Variants in NREP observed in about 807,000 individuals in gnomAD.
NREP encodes the protein neuronal regeneration related protein.
In NREP, 5 loss-of-function variants were observed where a neutral mutation model predicts 8.6. That is an observed-to-expected ratio of 0.58 (90% CI 0.30 to 1.22). The LOEUF (loss-of-function observed/expected upper bound fraction) is 1.22. Among genes scored for constraint, NREP ranks in the 50% most tolerant of loss-of-function variants. The pLI, the probability that NREP is intolerant of heterozygous loss-of-function variation, is 0.07. For synonymous variants in NREP, 27 were observed against 28.0 expected, an observed-to-expected ratio of 0.96 and a Z score of 0.11; for missense variants, 86 against 82.5, an observed-to-expected ratio of 1.04 and a Z score of -0.17.
At chr5:111,786,796 T>G (rs1335537633) in intron 2 of NREP, among the ~76,000 whole-genome samples, 2 of 152,218 alleles carry the variant, frequency 1.3e-5, no homozygotes, top group Non-Finnish European at 2.9e-5. Context: ...ATCAGAATTT[T>G]GTATATTGGG....
At chr5:111,789,185 ATGTG>A (rs745340480) in intron 2 of NREP, among the ~76,000 whole-genome samples, 12 of 152,110 alleles carry the variant, frequency 7.9e-5, no homozygotes, top group Non-Finnish European at 1.2e-4. Flanking sequence ...CTGTGTATGC[ATGTG>A]TGTGTGTGTA....
intron 2 of NREP, among the ~76,000 whole-genome samples, chr5:111,831,241 A>G (rs1463758596): frequency 2.0e-5 from 3 of 152,122 alleles, no homozygotes; most frequent in East Asian, 1.9e-4. Context: ...GGAAGTACCA[A>G]TTAGCTTTCT....
At chr5:111,836,544 T>C (rs143143376) in intron 2 of NREP, among the ~76,000 whole-genome samples, 8 of 152,212 alleles carry the variant, frequency 5.3e-5, no homozygotes, top group South Asian at 2.1e-4. Context: ...ATTAGTGGTA[T>C]TTATTGCTTT....
intron 2 of NREP, among the ~76,000 whole-genome samples, chr5:111,794,056 A>G (rs1422188749): frequency 1.3e-5 from 2 of 152,196 alleles, no homozygotes; most frequent in Non-Finnish European, 2.9e-5. Context: ...AGAAGAAATA[A>G]AGTTAATGCA....
rs200268161 is a variant in NREP at position 111,730,541 on chromosome 5, G to GGA, written c.*379_*380insTC. On this transcript the variant is annotated 3_prime_UTR_variant, in exon 4 of 4. Transcript: ENST00000257435. ...TTACATCTAAATGAAAAAAAAGGTG[G>GGA]GGGGGGGACTCTCAGCCTCTGCAAG... 443 of 167,608 alleles carry GGA rather than the reference G, an allele frequency of 2.6e-3. 3 individuals carry two copies. Among genetic ancestry groups the GGA allele is most frequent in the Non-Finnish European group, 4.1e-3 (324 of 78,572 alleles). The allele number at this position is 167,608 out of a possible 1,614,324, so 10.4% of individuals were successfully genotyped here.
intron 2 of NREP, among the ~76,000 whole-genome samples, chr5:111,961,459 T>C (rs992484280): frequency 6.6e-6 from 1 of 152,254 alleles, no homozygotes; most frequent in Non-Finnish European, 1.5e-5. Context: ...TAACATTTGA[T>C]GTAAGACCGT....
intron 2 of NREP, among the ~76,000 whole-genome samples, chr5:111,769,933 A>G (rs1033010217): frequency 6.6e-6 from 1 of 152,190 alleles, no homozygotes; most frequent in African/African-American, 2.4e-5. Flanking sequence ...ACGCCAAACC[A>G]TATCAGTGAG....
intron 2 of NREP, among the ~76,000 whole-genome samples, chr5:111,773,952 C>T (rs994070815): frequency 6.6e-6 from 1 of 152,116 alleles, no homozygotes; most frequent in Admixed American, 6.6e-5. Context: ...TCAACCTGGG[C>T]TCTTACCCGT....
chr5:111,805,814 G>T (rs1329180300), intron 2 of NREP, among the ~76,000 whole-genome samples: 1 of 152,158 alleles, frequency 6.6e-6, no homozygotes, highest in Non-Finnish European at 1.5e-5. Context: ...GGTGAATCTA[G>T]ATTTCAGTAA....
intron 2 of NREP, among the ~76,000 whole-genome samples, chr5:111,856,461 A>G (rs1463845800): frequency 1.3e-5 from 2 of 152,142 alleles, no homozygotes; most frequent in Non-Finnish European, 2.9e-5. Context: ...TCTCAGACAT[A>G]TGGCTTGGAC....
intron 2 of NREP, among the ~76,000 whole-genome samples, 166 bp from the exon 3 acceptor site, chr5:111,735,673 C>T (rs1014309579): frequency 3.9e-5 from 6 of 152,230 alleles, no homozygotes; most frequent in African/African-American, 1.4e-4. Flanking sequence ...TAGTGTGCTT[C>T]TGAACACGCA....
intron 2 of NREP, chr5:111,912,388 C>A: frequency 6.6e-6 from 1 of 152,636 alleles, no homozygotes. Context: ...CTGCCCTGTC[C>A]CCTGGTGCCC....
At chr5:111,976,225 C>T (rs1756959977) in intron 1 of NREP, among the ~76,000 whole-genome samples, 1 of 152,110 alleles carries the variant, frequency 6.6e-6, no homozygotes, top group Non-Finnish European at 1.5e-5. Context: ...TATTTCAATG[C>T]TGTAGTGAAA....
At chr5:111,828,745 T>A (rs1752690637) in intron 2 of NREP, among the ~76,000 whole-genome samples, 1 of 152,156 alleles carries the variant, frequency 6.6e-6, no homozygotes, top group African/African-American at 2.4e-5. Context: ...AAAAACTTAC[T>A]GCCTCAAACA....
At chr5:111,944,920 G>T (rs1047573484) in intron 2 of NREP, among the ~76,000 whole-genome samples, 1 of 152,012 alleles carries the variant, frequency 6.6e-6, no homozygotes, top group African/African-American at 2.4e-5. Context: ...AGTCATAGGT[G>T]CTTAAAACCT....
At chr5:111,919,869 G>GCGAAAGAA (rs1554053088) in intron 2 of NREP, among the ~76,000 whole-genome samples, 1 of 125,034 alleles carries the variant, frequency 8.0e-6, no homozygotes, top group Admixed American at 8.2e-5. Context: ...CTTGAAGAGA[G>GCGAAAGAA]AGAAAGAAAG....
chr5:111,783,472 G>A (rs1396477558), intron 2 of NREP, among the ~76,000 whole-genome samples: 1 of 152,192 alleles, frequency 6.6e-6, no homozygotes, highest in Non-Finnish European at 1.5e-5. Context: ...CGAAATGAAA[G>A]TTAGTTAAGA....
intron 2 of NREP, among the ~76,000 whole-genome samples, chr5:111,899,445 T>A (rs1326283821): frequency 6.6e-6 from 1 of 151,910 alleles, no homozygotes; most frequent in Non-Finnish European, 1.5e-5. Flanking sequence ...GCCTAGGAAT[T>A]CATGACCGCA....
intron 2 of NREP, among the ~76,000 whole-genome samples, chr5:111,844,988 C>T (rs778650406): frequency 1.1e-4 from 16 of 152,038 alleles, no homozygotes; most frequent in Middle Eastern, 3.4e-3. Context: ...GGCTGGCCTG[C>T]CACTGATGCA....
Sources: allele counts gnomAD v4.1 joint callset (sites outside exome capture counted in the v4.1 genomes callset), GRCh38; gene constraint gnomAD v4.1.1; transcripts MANE v1.5; gene names NCBI Gene and HGNC (gene_info 2026-07-23, HGNC 2026-07-21).